ATR: variants seen among roughly 807,000 people sequenced by gnomAD.
ATR encodes the protein serine/threonine-protein kinase ATR.
Under a neutral mutation model 305.3 loss-of-function variants are expected in ATR, and 142 were observed. That is an observed-to-expected ratio of 0.47 (90% confidence interval 0.41 to 0.53). ATR has a LOEUF of 0.53. Among genes scored for constraint, ATR ranks in the 20% least tolerant of loss-of-function variants. ATR has a pLI of 0.00. For synonymous variants in ATR, 1,050 were observed against 1,068.1 expected (o/e 0.98, Z 0.33); for missense variants, 2,135 against 3,133.1 (o/e 0.68, Z 7.60).
chr3:142,509,125 T>C (rs1208620410), intron 27 of ATR, among the ~76,000 whole-genome samples: 1 of 152,118 alleles, frequency 6.6e-6, no homozygotes, highest in Admixed American at 6.5e-5. Context: ...AACAAATTTC[T>C]TCAAAATTTA....
intron 24 of ATR, among the ~76,000 whole-genome samples, chr3:142,519,302 A>G (rs910961247): frequency 5.3e-5 from 8 of 151,296 alleles, no homozygotes; most frequent in African/African-American, 1.9e-4. Context: ...AAATCACATT[A>G]ATTTTTTTTT....
At chr3:142,495,933 G>A (rs970896544) in intron 34 of ATR, among the ~76,000 whole-genome samples, 1 of 151,892 alleles carries the variant, frequency 6.6e-6, no homozygotes, top group African/African-American at 2.4e-5. Context: ...AGTAACACTG[G>A]CAAGTCTACA....
Position 142,578,681 on chromosome 3 carries a change from C to T in ATR, c.24G>A (p.Leu8=), listed in dbSNP as rs373166003. 8.7e-6 allele frequency: 14 copies of T among 1,613,254 alleles called. No homozygotes were observed. In the Admixed American group the frequency reaches 1.8e-4, roughly 21 times the overall value. MGEHGLE[L]ASMIPALREL... Reference sequence around the variant, plus strand: ...CCCGCAGGGCGGGGATCATGGAAGCCAGCTCCAGGCCATGTTCCCCCATGC... The same window carrying T: ...CCCGCAGGGCGGGGATCATGGAAGCTAGCTCCAGGCCATGTTCCCCCATGC... Residue 8 remains leucine (L), a synonymous_variant, in exon 1 of 47, where the codon CTG becomes CTA. Transcript: ENST00000350721.
At chr3:142,553,537 C>G (rs757202505) in intron 12 of ATR, 103 bp downstream of exon 12, 1 of 1,447,276 alleles carries the variant, frequency 6.9e-7, no homozygotes, top group Non-Finnish European at 9.6e-7. Flanking sequence ...CACATTTTGT[C>G]TATAATATCA....
intron 36 of ATR, among the ~76,000 whole-genome samples, chr3:142,473,639 G>A (rs567907538): frequency 1.3e-4 from 20 of 151,336 alleles, no homozygotes; most frequent in Non-Finnish European, 2.1e-4. Flanking sequence ...TCCACCTCCC[G>A]GGTTCCAGCA....
At chr3:142,510,274 C>T (rs1018870289) in intron 27 of ATR, among the ~76,000 whole-genome samples, 10 of 151,920 alleles carry the variant, frequency 6.6e-5, no homozygotes, top group Non-Finnish European at 1.2e-4. Flanking sequence ...GGCAGATGGA[C>T]TGCTTGAGCC....
In ATR at chr3:142,522,743, A is replaced by G. The variant is rs2108395530; in HGVS notation, c.4251T>C (p.Ala1417=). ...YADNSRAQDS[A]AYAIQELLSI... is the part of the protein sequence containing the mutation. The stretch of plus-strand genomic sequence containing the variant: ...CCACTCTTACCTGAATGGCATAGGC[A>G]GCTGAATCTTGAGCTCGGCTATTAT... The change falls in exon 23 of 47, where the codon GCT becomes GCC. Residue 1417 remains alanine (A), a synonymous_variant. Coordinates refer to ENST00000350721, the MANE Select transcript of ATR (RefSeq NM_001184.4). The G allele has an allele frequency of 1.9e-6, 3 of 1,612,812 alleles. No individual in the cohort carries two copies. Among genetic ancestry groups the G allele is most frequent in the Non-Finnish European group, 2.5e-6 (3 of 1,178,810 alleles).
chr3:142,493,122 A>G lies in ATR; in HGVS notation c.6078+10T>C, dbSNP rs762754313. On this transcript the variant is annotated intron_variant, in intron 35 of 46. Transcript: ENST00000350721. Reference sequence around the variant, plus strand: ...AGAGTTAACTGAAACTGCATTATACATATACTTGCCTTATATTTTTTCATA... The same window carrying G: ...AGAGTTAACTGAAACTGCATTATACGTATACTTGCCTTATATTTTTTCATA... The G allele has an allele frequency of 9.3e-6, 15 of 1,612,690 alleles. No individual in the cohort carries two copies. The South Asian group carries it at 1.4e-4, about 15-fold the overall frequency.
chr3:142,466,110 T>TA (rs1196885236), intron 40 of ATR, among the ~76,000 whole-genome samples: 15 of 152,140 alleles, frequency 9.9e-5, no homozygotes, highest in Non-Finnish European at 1.9e-4. Flanking sequence ...ATCAAAACGT[T>TA]ACGGTGAATG....
chr3:142,554,508 G>A (rs2034593100), intron 10 of ATR, among the ~76,000 whole-genome samples: 1 of 152,192 alleles, frequency 6.6e-6, no homozygotes, highest in African/African-American at 2.4e-5. Flanking sequence ...TGTTAAAGGA[G>A]CGAACCACTG....
At chr3:142,568,219 C>T in intron 1 of ATR, 65 bp from the exon 2 acceptor site, 1 of 1,305,228 alleles carries the variant, frequency 7.7e-7, no homozygotes, top group South Asian at 1.2e-5. Flanking sequence ...AAAAAAATTT[C>T]TCTAAAGTAG....
At chr3:142,469,617 C>A (rs2108279998) in intron 37 of ATR, 48 bp from the exon 38 acceptor site, 1 of 1,486,268 alleles carries the variant, frequency 6.7e-7, no homozygotes, top group South Asian at 1.1e-5. Flanking sequence ...AGAGAAAAAT[C>A]AGTATATCAG....
intron 21 of ATR, among the ~76,000 whole-genome samples, chr3:142,529,312 G>C (rs2033546179): frequency 6.6e-6 from 1 of 151,714 alleles, no homozygotes; most frequent in Non-Finnish European, 1.5e-5. Context: ...TCTATAACTA[G>C]TTTGCCGGTG....
In ATR at chr3:142,536,138, C is replaced by A. The variant is rs1472876650; in HGVS notation, c.3789G>T (p.Lys1263Asn). The A allele has an allele frequency of 2.2e-5, 35 of 1,591,364 alleles. No individual in the cohort carries two copies. Among genetic ancestry groups the A allele is most frequent in the Non-Finnish European group, 2.9e-5 (34 of 1,159,694 alleles). Residue 1263 changes from lysine (K) to asparagine (N), a missense_variant, in exon 20 of 47, where the codon AAG becomes AAT. This residue lies in a region of ATR where 530 missense variants were observed against 766.8 expected (regional missense o/e 0.69). Coordinates refer to ENST00000350721, the MANE Select transcript of ATR (RefSeq NM_001184.4). Reference sequence around the variant, plus strand: ...TGTATTCCTGGAGAACGGCTTTTATCTTTTTTAATTCTGGATGATCAGGTA... The same window carrying A: ...TGTATTCCTGGAGAACGGCTTTTATATTTTTTAATTCTGGATGATCAGGTA... Reference protein sequence around the residue: ...YFLPDHPELKKIKAVLQEYRK... With the variant: ...YFLPDHPELKNIKAVLQEYRK...
At position 142,497,053 on chromosome 3, in the gene ATR, T is replaced by C. The variant is rs779380787; in HGVS notation, c.5698A>G (p.Ile1900Val). The change falls in exon 33 of 47, where the codon ATC (isoleucine) becomes GTC (valine). Residue 1900 changes from isoleucine (I) to valine (V), a missense_variant. By Grantham distance (29) the Ile-to-Val change is conservative. Transcript: ENST00000350721. ...TQNSYRAKEP[I>V]LALRRALLSL... is the part of the protein sequence containing the mutation. Reference sequence around the variant, plus strand: ...AGTAAAGCCCTCCGGAGAGCCAGGATAGGCTCCTTGGCTCTGTAGGAATTC... The same window carrying C: ...AGTAAAGCCCTCCGGAGAGCCAGGACAGGCTCCTTGGCTCTGTAGGAATTC... The C allele has an allele frequency of 7.4e-6, 12 of 1,613,454 alleles. No individual in the cohort carries two copies. The South Asian group carries it at 1.2e-4, about 16-fold the overall frequency.
At chr3:142,510,806 GAA>G (rs879635106) in intron 27 of ATR, among the ~76,000 whole-genome samples, 2 of 140,000 alleles carry the variant, frequency 1.4e-5, no homozygotes, top group Non-Finnish European at 1.6e-5. Context: ...GCCAAGAATG[GAA>G]AAAAAAAAAA....
At position 142,559,437 on chromosome 3, in the gene ATR, T is replaced by C. The variant is rs778022363; in HGVS notation, c.1546A>G (p.Thr516Ala). 29 of 1,613,164 alleles carry C rather than the reference T, an allele frequency of 1.8e-5. No individual in the cohort carries two copies. The highest frequency in any genetic ancestry group is 2.2e-5 in the Non-Finnish European group (26 of 1,179,498). Residue 516 changes from threonine (T) to alanine (A), a missense_variant, in exon 7 of 47, where the codon ACT (threonine) becomes GCT (alanine). Around this residue, in one of 9 missense-constraint regions of ATR, gnomAD observed 744 missense variants for 873.2 expected, o/e 0.85. Coordinates refer to ENST00000350721, the MANE Select transcript of ATR (RefSeq NM_001184.4). ...GATTTATGTTGACAGTCCTTGAAAG[T>C]ACGGCTGCAGTAAGTACATTTTGTT... ...HCSHQNMNCR[T>A]FKDCQHKSKK...
At chr3:142,474,028 G>T (rs1056442881) in intron 36 of ATR, among the ~76,000 whole-genome samples, 1 of 148,580 alleles carries the variant, frequency 6.7e-6, no homozygotes, top group African/African-American at 2.5e-5. Context: ...CTGGGTTCAA[G>T]CAATTTTCCT....
rs2033805373 is a variant in ATR, at chr3:142,535,093, A to C, written c.3932T>G (p.Leu1311Trp). 1 of 1,612,356 alleles carries C rather than the reference A, an allele frequency of 6.2e-7. No homozygotes were observed. The highest frequency in any genetic ancestry group is 1.3e-5 in the African/African-American group (1 of 74,878). Residue 1311 changes from leucine (L) to tryptophan (W), a missense_variant, in exon 21 of 47, where the codon TTG (leucine) becomes TGG (tryptophan). This residue lies in a region of ATR where 530 missense variants were observed against 766.8 expected (regional missense o/e 0.69). Transcript: ENST00000350721. ...ATATTAGCATACCTGATTTTTATACAAGGTTTCCTTCAAGCTTGTAAGAGC... is the reference window on the plus strand; with the variant it reads ...ATATTAGCATACCTGATTTTTATACCAGGTTTCCTTCAAGCTTGTAAGAGC... Reference protein sequence around the residue: ...IHALTSLKETLYKNQEKLIKY... With the variant: ...IHALTSLKETWYKNQEKLIKY...
Sources: gnomAD v4.1 joint callset for allele counts (sites outside exome capture counted in the v4.1 genomes callset) on GRCh38, gnomAD v4.1.1 for gene constraint, gnomAD v4.1.1 regional missense constraint, MANE v1.5 for transcripts, NCBI Gene and HGNC (gene_info 2026-07-23, HGNC 2026-07-21) for gene names.